Variants in SEMA3C observed in about 807,000 individuals in gnomAD.
SEMA3C encodes semaphorin 3C, also known as semaphorin-3C.
Under a neutral mutation model 89.4 loss-of-function variants are expected in SEMA3C, and 47 were observed. The observed-to-expected ratio is 0.53, with a 90% CI of 0.42 to 0.67. The LOEUF is 0.67. Among genes scored for constraint, SEMA3C ranks in the 30% least tolerant of loss-of-function variants. The pLI, the probability that SEMA3C is intolerant of heterozygous loss-of-function variation, is 0.00. For synonymous variants in SEMA3C, 310 were observed against 320.2 expected (o/e 0.97, Z 0.34); for missense variants, 839 against 929.1 (o/e 0.90, Z 1.26).
At chr7:80,822,378 C>A (rs1263805076) in intron 4 of SEMA3C, among the ~76,000 whole-genome samples, 7 of 139,336 alleles carry the variant, frequency 5.0e-5, no homozygotes, top group East Asian at 2.1e-4. Context: ...AACATTTCAG[C>A]AAAAAAAAAT....
chr7:80,887,419 T>C (rs1791510175), intron 2 of SEMA3C, among the ~76,000 whole-genome samples: 1 of 152,200 alleles, frequency 6.6e-6, no homozygotes, highest in Non-Finnish European at 1.5e-5. Context: ...CCTCTCACTA[T>C]GGTTCTATCT....
At chr7:80,770,078 T>G (rs1462719739) in intron 12 of SEMA3C, among the ~76,000 whole-genome samples, 2 of 152,156 alleles carry the variant, frequency 1.3e-5, no homozygotes, top group Non-Finnish European at 2.9e-5. Flanking sequence ...TTGTGTTCTA[T>G]CCATTTTCAC....
chr7:80,907,494 C>T (rs1792042659), intron 2 of SEMA3C, among the ~76,000 whole-genome samples: 1 of 151,972 alleles, frequency 6.6e-6, no homozygotes, highest in South Asian at 2.1e-4. Context: ...AGCCCTTGAG[C>T]CTGAATTTAT....
chr7:80,888,023 T>TA (rs1791523596), intron 2 of SEMA3C, among the ~76,000 whole-genome samples: 1 of 152,154 alleles, frequency 6.6e-6, no homozygotes, highest in Non-Finnish European at 1.5e-5. Flanking sequence ...ATTTTTACAT[T>TA]AAAAAATAAA....
chr7:80,913,457 A>C (rs1217152745), intron 2 of SEMA3C, among the ~76,000 whole-genome samples: 3 of 152,198 alleles, frequency 2.0e-5, no homozygotes, highest in Non-Finnish European at 4.4e-5. Flanking sequence ...CTTAGTCATA[A>C]AATACCTATT....
rs1475631169 is a variant in SEMA3C at position 80,747,683 on chromosome 7, CAAAGA to C, written c.1842+1210_1842+1214del. ...ACTTCTTTGATAACAGATTTTACAG[CAAAGA>C]AAAGAGATCTCAAATAAATAATAAT... is the stretch of plus-strand genomic sequence containing the variant. On this transcript the variant is annotated intron_variant, in intron 17 of 17. Coordinates refer to ENST00000265361, the MANE Select transcript of SEMA3C (RefSeq NM_006379.5). 5.9e-5 allele frequency among the ~76,000 whole-genome samples: 9 copies of C among 152,204 alleles called. No homozygotes were observed. The East Asian group carries it at 1.7e-3, about 29-fold the overall frequency.
chr7:80,827,256 AG>A (rs1168869078), intron 4 of SEMA3C, among the ~76,000 whole-genome samples, 168 bp downstream of exon 4: 3 of 152,152 alleles, frequency 2.0e-5, no homozygotes, highest in African/African-American at 7.2e-5. Context: ...AGTTACAGAG[AG>A]CCCAAGAGTT....
chr7:80,913,201 G>A (rs1198000512), intron 2 of SEMA3C, among the ~76,000 whole-genome samples: 1 of 152,128 alleles, frequency 6.6e-6, no homozygotes, highest in Non-Finnish European at 1.5e-5. Flanking sequence ...AGGAGTTCGA[G>A]ACCAGCCGGG....
intron 2 of SEMA3C, among the ~76,000 whole-genome samples, chr7:80,841,246 T>G (rs1414913935): frequency 6.6e-6 from 1 of 152,188 alleles, no homozygotes; most frequent in Non-Finnish European, 1.5e-5. Context: ...GCAAGATTGC[T>G]TCATGATACA....
intron 2 of SEMA3C, among the ~76,000 whole-genome samples, chr7:80,859,341 T>C (rs1263502015): frequency 1.3e-5 from 2 of 152,174 alleles, no homozygotes; most frequent in Non-Finnish European, 2.9e-5. Flanking sequence ...AAGTATATTA[T>C]CAAGTTTTGT....
At chr7:80,888,156 A>G (rs1791526607) in intron 2 of SEMA3C, among the ~76,000 whole-genome samples, 1 of 152,094 alleles carries the variant, frequency 6.6e-6, no homozygotes, top group Non-Finnish European at 1.5e-5. Context: ...TCATGCCTGT[A>G]AATCCCAGCA....
intron 2 of SEMA3C, among the ~76,000 whole-genome samples, chr7:80,882,864 A>G (rs1418743645): frequency 6.6e-6 from 1 of 152,084 alleles, no homozygotes; most frequent in East Asian, 1.9e-4. Context: ...ATAAAAATAG[A>G]CATATGAAAA....
At chr7:80,840,518 GAAAA>G (rs1171113816) in intron 2 of SEMA3C, among the ~76,000 whole-genome samples, 7 of 82,528 alleles carry the variant, frequency 8.5e-5, no homozygotes, top group African/African-American at 9.8e-5. Flanking sequence ...CTGTCTCCAG[GAAAA>G]AAAAAAAAAA....
rs567759230 is a variant in SEMA3C, at chr7:80,881,804, G to A, written c.103+34875C>T. 1.3e-4 allele frequency among the ~76,000 whole-genome samples: 20 copies of A among 152,292 alleles called. No individual in the cohort carries two copies. In the East Asian group the frequency reaches 3.7e-3, roughly 28 times the overall value. Reference sequence around the variant, plus strand: ...CAGTGCATTAATATGAAGACAGTGTGAGGGGGAAAATATCAAGCCACATAA... The same window carrying A: ...CAGTGCATTAATATGAAGACAGTGTAAGGGGGAAAATATCAAGCCACATAA... On this transcript the variant is annotated intron_variant, in intron 2 of 17. Transcript: ENST00000265361.
chr7:80,827,404 T>TTTG, intron 4 of SEMA3C, 21 bp downstream of exon 4: 1 of 1,494,216 alleles, frequency 6.7e-7, no homozygotes, highest in Non-Finnish European at 8.9e-7. Context: ...TTTTTTTTTT[T>TTTG]TTTTTTTTTT....
intron 2 of SEMA3C, among the ~76,000 whole-genome samples, chr7:80,864,624 A>G (rs545428681): frequency 2.0e-5 from 3 of 152,142 alleles, no homozygotes; most frequent in African/African-American, 7.2e-5. Context: ...AAGGTGTTGT[A>G]AGGAGGCTCT....
intron 8 of SEMA3C, among the ~76,000 whole-genome samples, 199 bp from the exon 9 acceptor site, chr7:80,802,978 T>C (rs577516949): frequency 1.9e-4 from 29 of 152,344 alleles, no homozygotes; most frequent in Non-Finnish European, 3.7e-4. Flanking sequence ...TATTCTCTTA[T>C]AGCATGATGT....
At chr7:80,922,067 A>C (rs548500207), upstream of SEMA3C, among the ~76,000 whole-genome samples, 54 of 152,338 alleles carry the variant, frequency 3.5e-4, no homozygotes, top group African/African-American at 1.3e-3. Flanking sequence ...TTGTAATAGA[A>C]AATAGATTGT....
chr7:80,783,204 G>A (rs2117096434), intron 12 of SEMA3C, among the ~76,000 whole-genome samples: 1 of 152,212 alleles, frequency 6.6e-6, no homozygotes, highest in East Asian at 1.9e-4. Context: ...TCTTTTTAGA[G>A]TAAAATGTAA....
Sources: gnomAD v4.1 joint callset for allele counts (sites outside exome capture counted in the v4.1 genomes callset) on GRCh38, gnomAD v4.1.1 for gene constraint, MANE v1.5 for transcripts, NCBI Gene and HGNC (gene_info 2026-07-23, HGNC 2026-07-21) for gene names.